Variants in OPA1 observed in about 807,000 individuals in gnomAD.
The protein encoded by OPA1 is OPA1 mitochondrial dynamin like GTPase, also known as dynamin-like GTPase OPA1, mitochondrial.
In OPA1, 59 loss-of-function variants were observed where a neutral mutation model predicts 152.9. The observed-to-expected ratio is 0.39, with a 90% CI of 0.31 to 0.48. The LOEUF is 0.48. Ranked by LOEUF, OPA1 falls within the 20% of genes least tolerant of loss-of-function variation. OPA1 has a pLI of 0.96. For missense variants in OPA1, 1,008 were observed against 1,216.8 expected, an observed-to-expected ratio of 0.83 and a Z score of 2.55; for synonymous variants, 400 against 389.9, an observed-to-expected ratio of 1.03 and a Z score of -0.31.
intron 29 of OPA1, among the ~76,000 whole-genome samples, chr3:193,685,028 G>A (rs865863873): frequency 2.0e-5 from 3 of 151,948 alleles, no homozygotes; most frequent in Admixed American, 6.6e-5. Flanking sequence ...CTGACCAGGC[G>A]CGGTGGTTCA....
At chr3:193,609,913 ATTAG>A (rs1727925940) in intron 1 of OPA1, among the ~76,000 whole-genome samples, 1 of 150,940 alleles carries the variant, frequency 6.6e-6, no homozygotes, top group Non-Finnish European at 1.5e-5. Flanking sequence ...ACTTCTCTGC[ATTAG>A]TTATTCTAGT....
At chr3:193,668,963 C>A in intron 29 of OPA1, 1 of 637,316 alleles carries the variant, frequency 1.6e-6, no homozygotes, top group Non-Finnish European at 2.0e-6. Flanking sequence ...TTACAAGTTT[C>A]ACTGACTTCA....
rs1004554140 is a variant in OPA1 at position 193,695,546 on chromosome 3, C to G, written c.*946C>G. On this transcript the variant is annotated 3_prime_UTR_variant, in exon 31 of 31. Transcript: ENST00000361510. ...ACAATTAAAGTAATGTTGACCATCC[C>G]CCTCTCAGCTGAATAAAGAAAAATT... 2.0e-5 allele frequency: 3 copies of G among 152,028 alleles called. No homozygotes were observed. The highest frequency in any genetic ancestry group is 7.2e-5 in the African/African-American group (3 of 41,472). The allele number at this position is 152,028 out of a possible 1,614,324, so 9.4% of individuals were successfully genotyped here.
chr3:193,638,195 A>G (rs1733229418), intron 11 of OPA1, 130 bp downstream of exon 11: 2 of 753,770 alleles, frequency 2.7e-6, no homozygotes, highest in Admixed American at 2.0e-5. Context: ...AATGATCCCT[A>G]GTGTGGAAAT....
At chr3:193,648,589 G>T in intron 20 of OPA1, 1 of 507,694 alleles carries the variant, frequency 2.0e-6, no homozygotes, top group Non-Finnish European at 3.6e-6. Context: ...ACTTGAGAAG[G>T]TAGATATTTA....
At chr3:193,688,706 G>A (rs970785555) in intron 29 of OPA1, among the ~76,000 whole-genome samples, 2 of 152,096 alleles carry the variant, frequency 1.3e-5, no homozygotes, top group African/African-American at 4.8e-5. Context: ...CAGACTGGGT[G>A]TAGTAGCTCA....
intron 21 of OPA1, among the ~76,000 whole-genome samples, chr3:193,651,223 A>G (rs991995776): frequency 1.8e-4 from 28 of 152,296 alleles, no homozygotes; most frequent in African/African-American, 6.7e-4. Context: ...TGCATTTTAG[A>G]AAGGTCTTTG....
intron 11 of OPA1, among the ~76,000 whole-genome samples, chr3:193,638,804 A>G (rs898548774): frequency 1.3e-5 from 2 of 152,256 alleles, no homozygotes; most frequent in Non-Finnish European, 2.9e-5. Flanking sequence ...TACTAAAAAC[A>G]GAATGCTTGA....
At chr3:193,631,922 T>G (rs1373897529) in intron 8 of OPA1, among the ~76,000 whole-genome samples, 1 of 152,202 alleles carries the variant, frequency 6.6e-6, no homozygotes, top group African/African-American at 2.4e-5. Flanking sequence ...GAAAGTGGCT[T>G]GTCCTTATAT....
intron 28 of OPA1, 118 bp downstream of exon 28, chr3:193,666,507 G>T: frequency 4.5e-6 from 4 of 883,952 alleles, no homozygotes; most frequent in South Asian, 1.5e-5. Flanking sequence ...AGAAAAACTG[G>T]CCAGGTGTGG....
Position 193,642,818 on chromosome 3 carries a change from G to C in OPA1, c.1203G>C (p.Arg401=). The C allele has an allele frequency of 1.9e-6, 3 of 1,613,582 alleles. No homozygotes were observed. Among genetic ancestry groups the C allele is most frequent in the South Asian group, 2.2e-5 (2 of 91,038 alleles). The part of the protein sequence containing the change: ...HHVALFKDSS[R]EFDLTKEEDL... Reference sequence around the variant, plus strand: ...TGGCCCTATTTAAAGATAGTTCTCGGGAGTTTGATCTTACCAAAGAAGAAG... The same window carrying C: ...TGGCCCTATTTAAAGATAGTTCTCGCGAGTTTGATCTTACCAAAGAAGAAG... Residue 401 remains arginine, a synonymous_variant, in exon 12 of 31, where the codon CGG becomes CGC. Coordinates refer to ENST00000361510, the MANE Select transcript of OPA1 (RefSeq NM_130837.3).
At chr3:193,638,792 G>A (rs941873293) in intron 11 of OPA1, among the ~76,000 whole-genome samples, 4 of 152,086 alleles carry the variant, frequency 2.6e-5, no homozygotes, top group African/African-American at 4.8e-5. Context: ...TGGACGTACC[G>A]CTACTAAAAA....
At chr3:193,596,197 CTT>C (rs558965633) in intron 1 of OPA1, among the ~76,000 whole-genome samples, 3,738 of 106,512 alleles carry the variant, frequency 0.035, 94 homozygotes, top group Middle Eastern at 0.057. Flanking sequence ...TGTTTTTCAC[CTT>C]TTTTTTTTTT....
At chr3:193,643,150 C>G (rs1734031437) in intron 13 of OPA1, 101 bp downstream of exon 13, 1 of 1,008,098 alleles carries the variant, frequency 9.9e-7, no homozygotes, top group Admixed American at 1.9e-5. Context: ...TTGCTGCTAT[C>G]TAGATATGTA....
At chr3:193,650,804 A>G (rs1712223857) in intron 21 of OPA1, among the ~76,000 whole-genome samples, 1 of 152,194 alleles carries the variant, frequency 6.6e-6, no homozygotes, top group South Asian at 2.1e-4. Flanking sequence ...AGAAGGAGAT[A>G]TTGATATATC....
chr3:193,627,167 G>A (rs1307762245), intron 7 of OPA1: 1 of 152,160 alleles, frequency 6.6e-6, no homozygotes. Context: ...ATGATTTAGT[G>A]CAGTAATTCT....
intron 1 of OPA1, among the ~76,000 whole-genome samples, chr3:193,610,485 G>A (rs1329426787): frequency 6.6e-6 from 1 of 152,208 alleles, no homozygotes; most frequent in Non-Finnish European, 1.5e-5. Flanking sequence ...CGGGGGTCAG[G>A]GACCCACTTG....
chr3:193,638,092 G>T (rs9862435), intron 11 of OPA1, 27 bp downstream of exon 11: 2 of 1,535,550 alleles, frequency 1.3e-6, no homozygotes, highest in East Asian at 4.5e-5. Flanking sequence ...TCTCAGTGAG[G>T]TTCCTTAGGA....
At position 193,683,816 on chromosome 3, in the gene OPA1, A is replaced by G. The variant is rs1297188932; in HGVS notation, c.2984-8247A>G. On this transcript the variant is annotated intron_variant, in intron 29 of 30. Coordinates refer to ENST00000361510, the MANE Select transcript of OPA1 (RefSeq NM_130837.3). ...TATTACACACTTAATATATTACAGT[A>G]TACTGTAAACGTAACTTAAACGCAC... Among the ~76,000 whole-genome samples, 3 of 152,246 alleles carry G rather than the reference A, an allele frequency of 2.0e-5. No homozygotes were observed. In the East Asian group the frequency reaches 5.8e-4, roughly 29 times the overall value.
Sources: gnomAD v4.1 joint callset for allele counts (sites outside exome capture counted in the v4.1 genomes callset) on GRCh38, gnomAD v4.1.1 for gene constraint, MANE v1.5 for transcripts, NCBI Gene and HGNC (gene_info 2026-07-23, HGNC 2026-07-21) for gene names.